The following PTTG1IP variants were observed in gnomAD, a reference collection of about 807,000 sequenced individuals.
PTTG1IP encodes pituitary tumor-transforming gene 1 protein-interacting protein.
Under a neutral mutation model 24.4 loss-of-function variants are expected in PTTG1IP, and 16 were observed. The ratio of observed to expected loss-of-function variants is 0.66; its 90% CI spans 0.44 to 1.00. The LOEUF (loss-of-function observed/expected upper bound fraction) is 1.00, where lower values mean the gene tolerates loss of function less well. Ranked by LOEUF, PTTG1IP falls within the 50% of genes least tolerant of loss-of-function variation. The probability of loss-of-function intolerance (pLI) is 0.00; values close to 1 mark genes in which losing one functional copy is unlikely to be tolerated. For missense variants in PTTG1IP, 241 were observed against 245.8 expected, an observed-to-expected ratio of 0.98 and a Z score of 0.13; for synonymous variants, 89 against 96.8, an observed-to-expected ratio of 0.92 and a Z score of 0.47.
chr21:44,857,881 G>A (rs909276304), intron 3 of PTTG1IP, among the ~76,000 whole-genome samples: 1 of 152,210 alleles, frequency 6.6e-6, no homozygotes, highest in Non-Finnish European at 1.5e-5. Flanking sequence ...AAAAATTATA[G>A]TAAGAGGGAG....
chr21:44,867,852 C>A (rs142460595), intron 1 of PTTG1IP, among the ~76,000 whole-genome samples: 1 of 152,332 alleles, frequency 6.6e-6, no homozygotes, highest in African/African-American at 2.4e-5. Flanking sequence ...TCACTCATTA[C>A]GTTTACCAAA....
At chr21:44,861,959 C>G in intron 2 of PTTG1IP, 1 of 665,920 alleles carries the variant, frequency 1.5e-6, no homozygotes, top group South Asian at 1.6e-5. Context: ...AAAGATGATG[C>G]AACTACGGCT....
rs1266283795 is a variant in PTTG1IP at position 44,850,284 on chromosome 21, G to T, written c.*1297C>A. ...AAAATTCAAGGCAATCTGGAACAGG[G>T]ACTATTTCCAAACTTCCTTAGGCAG... On this transcript the variant is annotated 3_prime_UTR_variant, in exon 6 of 6. Coordinates refer to ENST00000330938, the MANE Select transcript of PTTG1IP (RefSeq NM_004339.4). The T allele has an allele frequency of 6.6e-6, 1 of 152,216 alleles. No individual in the cohort carries two copies. Among genetic ancestry groups the T allele is most frequent in the Non-Finnish European group, 1.5e-5 (1 of 68,022 alleles). 9.4% of individuals were successfully genotyped at this position (152,216 alleles called of 1,614,324 possible).
At chr21:44,853,464 C>T (rs1394553743) in intron 5 of PTTG1IP, among the ~76,000 whole-genome samples, 1 of 149,350 alleles carries the variant, frequency 6.7e-6, no homozygotes, top group Admixed American at 6.7e-5. Context: ...GCTGACATCG[C>T]GCCACTGCAC....
rs896917655 is a variant in PTTG1IP, at chr21:44,862,065, A to T, written c.169-794T>A. 8.0e-5 allele frequency: 45 copies of T among 562,478 alleles called. 2 individuals are homozygous for T. The highest frequency in any genetic ancestry group is 7.8e-4 in the South Asian group (40 of 51,198). The allele number at this position is 562,478 out of a possible 1,614,324, so 34.8% of individuals were successfully genotyped here. ...TGTGAGGCCGCAGTGGTGTGGAGAC[A>T]ACACCATCACACCCGTGTGTGTGTG... On this transcript the variant is annotated intron_variant, in intron 2 of 5. Transcript: ENST00000330938.
In PTTG1IP at chr21:44,851,279, C is replaced by G; in HGVS notation, c.*302G>C. On this transcript the variant is annotated 3_prime_UTR_variant, in exon 6 of 6. Transcript: ENST00000330938. ...AGCCACAGCGCTGGGTGCCGTCAGGCGGCTTCGTGTGCAGTTAGCGTTTCA... is the reference window on the plus strand; with the variant it reads ...AGCCACAGCGCTGGGTGCCGTCAGGGGGCTTCGTGTGCAGTTAGCGTTTCA... 1 of 1,397,152 alleles carries G rather than the reference C, an allele frequency of 7.2e-7. No homozygotes were observed. The highest frequency in any genetic ancestry group is 9.5e-7 in the Non-Finnish European group (1 of 1,055,774). 86.5% of individuals were successfully genotyped at this position (1,397,152 alleles called of 1,614,324 possible).
At chr21:44,861,026 TCTC>T in intron 3 of PTTG1IP, 134 bp downstream of exon 3, 1 of 603,690 alleles carries the variant, frequency 1.7e-6, no homozygotes, top group East Asian at 3.3e-5. Flanking sequence ...ATGGTCTCAA[TCTC>T]CTGACCTCTT....
chr21:44,861,630 A>G (rs907026476), intron 2 of PTTG1IP: 1 of 686,134 alleles, frequency 1.5e-6, no homozygotes, highest in Non-Finnish European at 2.7e-6. Flanking sequence ...TGCCTGGAGC[A>G]CTCTCCCCAC....
chr21:44,851,662 C>T (rs1257491562), intron 5 of PTTG1IP, 35 bp from the exon 6 acceptor site: 1 of 1,541,604 alleles, frequency 6.5e-7, no homozygotes, highest in South Asian at 1.2e-5. Flanking sequence ...TAACTTCATT[C>T]ATTCAACCAG....
intron 1 of PTTG1IP, among the ~76,000 whole-genome samples, chr21:44,868,719 G>C (rs11910368): frequency 0.016 from 2,400 of 152,302 alleles, 59 homozygotes; most frequent in African/African-American, 0.05. Flanking sequence ...ATGATGAGTT[G>C]AGAAGCCTCC....
chr21:44,860,180 AAC>A (rs1464080388), intron 3 of PTTG1IP, among the ~76,000 whole-genome samples: 3 of 152,132 alleles, frequency 2.0e-5, no homozygotes, highest in African/African-American at 7.2e-5. Flanking sequence ...CATCCTGGCT[AAC>A]ACAGTGAAAC....
intron 5 of PTTG1IP, among the ~76,000 whole-genome samples, chr21:44,854,913 C>T (rs902735773): frequency 3.9e-5 from 6 of 152,230 alleles, no homozygotes; most frequent in East Asian, 1.9e-4. Flanking sequence ...AAGCCAAACA[C>T]GACGGCAGAA....
chr21:44,851,571 C>G lies in PTTG1IP; in HGVS notation c.*10G>C, dbSNP rs1258017318. 6 of 1,608,828 alleles carry G rather than the reference C, an allele frequency of 3.7e-6. 1 individual carries two copies. The South Asian group carries it at 6.6e-5, about 18-fold the overall frequency. On this transcript the variant is annotated 3_prime_UTR_variant, in exon 6 of 6. Coordinates refer to ENST00000330938, the MANE Select transcript of PTTG1IP (RefSeq NM_004339.4). ...CACAGGAAGCGTCGGGACTGATGTG[C>G]TGGAGCGCTTTAGTTGTTTTCAAAT...
rs8132013 is a variant in PTTG1IP at position 44,851,106 on chromosome 21, G to A, written c.*475C>T. On this transcript the variant is annotated 3_prime_UTR_variant, in exon 6 of 6. Transcript: ENST00000330938. ...CAACAGGTGTGAAGACTCAAGATGC[G>A]CACACAGACGCTGTCCGTGGTTTTA... 8.7e-5 allele frequency: 38 copies of A among 437,344 alleles called. No homozygotes were observed. Among genetic ancestry groups the A allele is most frequent in the Admixed American group, 8.5e-4 (23 of 26,924 alleles). The allele number at this position is 437,344 out of a possible 1,614,324, so 27.1% of individuals were successfully genotyped here. A position where few individuals can be genotyped will look rare whatever the true frequency, so the allele number is the denominator to read the frequency against.
intron 5 of PTTG1IP, among the ~76,000 whole-genome samples, chr21:44,854,119 C>T (rs915367961): frequency 1.3e-5 from 2 of 152,156 alleles, no homozygotes; most frequent in Non-Finnish European, 2.9e-5. Context: ...CTGACGGAGG[C>T]GCCGCTCACA....
intron 1 of PTTG1IP, among the ~76,000 whole-genome samples, chr21:44,867,021 G>A (rs1036525315): frequency 3.9e-5 from 6 of 152,210 alleles, no homozygotes; most frequent in African/African-American, 1.4e-4. Flanking sequence ...AGATGGACCT[G>A]CGCAGGAAGG....
rs186222703 is a variant in PTTG1IP, at chr21:44,869,567, G to A, written c.115+3935C>T. 4.7e-3 allele frequency among the ~76,000 whole-genome samples: 711 copies of A among 152,252 alleles called. 7 individuals are homozygous for A. The highest frequency in any genetic ancestry group is 0.016 in the African/African-American group (664 of 41,540). On this transcript the variant is annotated intron_variant, in intron 1 of 5. Transcript: ENST00000330938. ...TCCCACCTCGGCCTCCAAAAGTGCT[G>A]GGATTACAGGTGTGAGCAACTGTGC...
chr21:44,862,037 A>C, intron 2 of PTTG1IP: 2 of 590,310 alleles, frequency 3.4e-6, no homozygotes, highest in Non-Finnish European at 6.1e-6. Context: ...CTTGAACGTC[A>C]GGTGTGAGGC....
chr21:44,863,465 T>G (rs1252448147), intron 2 of PTTG1IP, among the ~76,000 whole-genome samples: 1 of 152,222 alleles, frequency 6.6e-6, no homozygotes, highest in African/African-American at 2.4e-5. Context: ...CACCGCCCTG[T>G]CTGGGTTCAG....
Sources: gnomAD v4.1 joint callset for allele counts (sites outside exome capture counted in the v4.1 genomes callset) on GRCh38, gnomAD v4.1.1 for gene constraint, MANE v1.5 for transcripts, NCBI Gene and HGNC (gene_info 2026-07-23, HGNC 2026-07-21) for gene names.